The following ENOX2 variants were observed in gnomAD, a reference collection of about 807,000 sequenced individuals.
ENOX2 encodes ecto-NOX disulfide-thiol exchanger 2, also known as APK1 antigen.
Under a neutral mutation model 45.0 loss-of-function variants are expected in ENOX2, and 36 were observed. The observed-to-expected ratio is 0.80, with a 90% confidence interval of 0.61 to 1.06. The LOEUF (loss-of-function observed/expected upper bound fraction) is 1.06. Among genes scored for constraint, ENOX2 ranks in the 50% least tolerant of loss-of-function variants. The pLI, the probability that ENOX2 is intolerant of heterozygous loss-of-function variation, is 0.00. For missense variants in ENOX2, 423 were observed against 462.5 expected (o/e 0.91, Z 0.78); for synonymous variants, 174 against 152.3 (o/e 1.14, Z -1.05).
rs151285789 is a variant in ENOX2 at position 130,673,709 on chromosome X, T to C, written c.461-3511A>G. Among the ~76,000 whole-genome samples, 8 of 112,199 alleles carry C rather than the reference T, an allele frequency of 7.1e-5. No individual in the cohort carries two copies. The East Asian group carries it at 1.7e-3, about 24-fold the overall frequency. On this transcript the variant is annotated intron_variant, in intron 6 of 14. Transcript: ENST00000394363. ...GTAAAGCAACCACACCTATGAGTAA[T>C]AGGCATTCCTGAGTGAGAAGAATAA...
intron 2 of ENOX2, among the ~76,000 whole-genome samples, chrX:130,823,389 T>C (rs769229500): frequency 9.2e-4 from 102 of 111,368 alleles, no homozygotes; most frequent in Non-Finnish European, 1.6e-3. Context: ...CAGTCTTATA[T>C]GAAAAAAATC....
chrX:130,728,500 G>C (rs780891105), intron 3 of ENOX2, among the ~76,000 whole-genome samples: 36 of 111,606 alleles, frequency 3.2e-4, no homozygotes, highest in Admixed American at 1.9e-3. Flanking sequence ...CTGGGGAAAA[G>C]GTTCTCTCCT....
chrX:130,693,537 C>T (rs1240126625), intron 4 of ENOX2, among the ~76,000 whole-genome samples: 1 of 112,095 alleles, frequency 8.9e-6, no homozygotes, highest in Non-Finnish European at 1.9e-5. Flanking sequence ...ATGCCCTTAA[C>T]CACTACACTG....
At chrX:130,703,655 A>G (rs1176426663) in intron 3 of ENOX2, among the ~76,000 whole-genome samples, 1 of 111,564 alleles carries the variant, frequency 9.0e-6, no homozygotes, top group Non-Finnish European at 1.9e-5. Flanking sequence ...TATGCATGTA[A>G]AGCAAGAAAA....
chrX:130,899,555 C>T (rs772058124), intron 2 of ENOX2, among the ~76,000 whole-genome samples: 3 of 112,044 alleles, frequency 2.7e-5, no homozygotes, highest in Non-Finnish European at 5.6e-5. Flanking sequence ...CCTAACATTG[C>T]CTTGTGCGTG....
At chrX:130,786,340 T>C (rs1363456438) in intron 2 of ENOX2, among the ~76,000 whole-genome samples, 1 of 112,263 alleles carries the variant, frequency 8.9e-6, no homozygotes, top group Non-Finnish European at 1.9e-5. Flanking sequence ...TGAAAAGGAA[T>C]GTTCAGGGAT....
At chrX:130,705,943 CA>C (rs2038026847) in intron 3 of ENOX2, among the ~76,000 whole-genome samples, 1 of 111,799 alleles carries the variant, frequency 8.9e-6, no homozygotes, top group Non-Finnish European at 1.9e-5. Flanking sequence ...TCTCACCCTT[CA>C]AAGTGTCTGC....
At chrX:130,886,499 C>T (rs1433505143) in intron 2 of ENOX2, among the ~76,000 whole-genome samples, 5 of 112,038 alleles carry the variant, frequency 4.5e-5, no homozygotes, top group Non-Finnish European at 9.4e-5. Context: ...AACATTCGCC[C>T]ATACCTGATC....
chrX:130,825,982 G>A lies in ENOX2; in HGVS notation c.-182-42292C>T, dbSNP rs1480384324. Among the ~76,000 whole-genome samples, 16 of 110,621 alleles carry A rather than the reference G, an allele frequency of 1.4e-4. No homozygotes were observed. The Admixed American group carries it at 1.4e-3, about 10-fold the overall frequency. ...TTACTGTACCTAATTTATATATTAA[G>A]CTTTATCATAGGTAGGTATAGGAAA... On this transcript the variant is annotated intron_variant, in intron 2 of 14. Transcript: ENST00000394363.
intron 2 of ENOX2, among the ~76,000 whole-genome samples, chrX:130,856,359 C>CTACA (rs1467620040): frequency 3.6e-5 from 4 of 112,105 alleles, no homozygotes; most frequent in Non-Finnish European, 7.5e-5. Context: ...GAAGATTGAG[C>CTACA]TACAGTACCA....
At chrX:130,627,580 C>T (rs749213068) in intron 14 of ENOX2, among the ~76,000 whole-genome samples, 1 of 104,827 alleles carries the variant, frequency 9.5e-6, no homozygotes, top group Non-Finnish European at 2.0e-5. Flanking sequence ...GACCCTGTCT[C>T]AAAAAAAAAA....
intron 2 of ENOX2, among the ~76,000 whole-genome samples, chrX:130,800,283 A>G (rs2077196584): frequency 9.1e-6 from 1 of 109,763 alleles, no homozygotes; most frequent in Non-Finnish European, 1.9e-5. Flanking sequence ...ATTATAATCT[A>G]GAGGTTTTTA....
At chrX:130,702,644 T>C (rs1234669957) in intron 4 of ENOX2, among the ~76,000 whole-genome samples, 1 of 111,483 alleles carries the variant, frequency 9.0e-6, no homozygotes, top group Non-Finnish European at 1.9e-5. Context: ...TTACTTTGTT[T>C]ATGTATATAT....
At chrX:130,723,606 T>C (rs960473028) in intron 3 of ENOX2, among the ~76,000 whole-genome samples, 3 of 112,385 alleles carry the variant, frequency 2.7e-5, no homozygotes, top group African/African-American at 9.7e-5. Flanking sequence ...CATTCTGTTT[T>C]CAGTACGTTT....
At chrX:130,745,114 G>C (rs910857532) in intron 3 of ENOX2, among the ~76,000 whole-genome samples, 3 of 111,674 alleles carry the variant, frequency 2.7e-5, no homozygotes, top group Non-Finnish European at 3.8e-5. Context: ...GGCTGTGCTA[G>C]AAGATTGAAG....
intron 2 of ENOX2, among the ~76,000 whole-genome samples, chrX:130,844,790 T>C (rs1210667671): frequency 1.8e-5 from 2 of 112,059 alleles, no homozygotes; most frequent in Non-Finnish European, 1.9e-5. Context: ...CAGAAGCATC[T>C]GAAGTTACTG....
intron 2 of ENOX2, among the ~76,000 whole-genome samples, chrX:130,899,881 G>T (rs1047584715): frequency 8.7e-4 from 98 of 112,085 alleles, no homozygotes; most frequent in African/African-American, 2.7e-3. Flanking sequence ...GAGGCAAGGG[G>T]GGCATGCAGA....
At chrX:130,899,099 C>T (rs1197117282) in intron 2 of ENOX2, among the ~76,000 whole-genome samples, 1 of 109,858 alleles carries the variant, frequency 9.1e-6, no homozygotes, top group Non-Finnish European at 1.9e-5. Flanking sequence ...ATGGGCAGGG[C>T]TAAGGAATAG....
chrX:130,661,105 C>G (rs1208613629), intron 9 of ENOX2, among the ~76,000 whole-genome samples: 1 of 111,590 alleles, frequency 9.0e-6, no homozygotes, highest in Non-Finnish European at 1.9e-5. Flanking sequence ...TTAAATTAAT[C>G]TTATTCATGT....
Sources: allele counts gnomAD v4.1 joint callset (sites outside exome capture counted in the v4.1 genomes callset), GRCh38; gene constraint gnomAD v4.1.1; transcripts MANE v1.5; gene names NCBI Gene and HGNC (gene_info 2026-07-23, HGNC 2026-07-21).